The following TAFA1 variants were observed in gnomAD, a reference collection of about 807,000 sequenced individuals.
TAFA1 encodes TAFA chemokine like family member 1.
In TAFA1, 4 loss-of-function variants were observed where a neutral mutation model predicts 18.5. The observed-to-expected ratio is 0.22, with a 90% CI of 0.11 to 0.49. The LOEUF is 0.49. Among genes scored for constraint, TAFA1 ranks in the 20% least tolerant of loss-of-function variants. The pLI, the probability that TAFA1 is intolerant of heterozygous loss-of-function variation, is 0.98. For missense variants in TAFA1, 147 were observed against 169.0 expected, an observed-to-expected ratio of 0.87 and a Z score of 0.72; for synonymous variants, 56 against 55.2, an observed-to-expected ratio of 1.01 and a Z score of -0.06.
intron 2 of TAFA1, among the ~76,000 whole-genome samples, chr3:68,329,342 A>G (rs1259122060): frequency 6.6e-6 from 1 of 151,150 alleles, no homozygotes; most frequent in African/African-American, 2.4e-5. Context: ...CTGGGATTAC[A>G]GATGTGAGCC....
At position 68,544,696 on chromosome 3, in the gene TAFA1, C is replaced by T. The variant is rs1330131796; in HGVS notation, c.*193C>T. On this transcript the variant is annotated 3_prime_UTR_variant, in exon 5 of 5. Transcript: ENST00000478136. ...AGAAGACACAGCGTTTTGGCAACAC[C>T]ATGGAAAGTGGGCTTAAAAAAGGGT... is the stretch of plus-strand genomic sequence containing the variant. The T allele has an allele frequency of 5.5e-6, 3 of 546,186 alleles. No homozygotes were observed. Among genetic ancestry groups the T allele is most frequent in the African/African-American group, 3.9e-5 (2 of 51,534 alleles). 33.8% of individuals were successfully genotyped at this position (546,186 alleles called of 1,614,324 possible).
intron 2 of TAFA1, among the ~76,000 whole-genome samples, chr3:68,136,313 G>T (rs1432215384): frequency 6.6e-6 from 1 of 152,128 alleles, no homozygotes; most frequent in African/African-American, 2.4e-5. Flanking sequence ...TTGTCATTAG[G>T]GTTCGGTTAA....
chr3:68,246,840 A>C (rs2067090791), intron 2 of TAFA1: 1 of 152,108 alleles, frequency 6.6e-6, no homozygotes, highest in Non-Finnish European at 1.5e-5. Context: ...AAAATGGGCA[A>C]AGCCTCATTT....
chr3:68,232,677 C>CA (rs1307742853), intron 2 of TAFA1, among the ~76,000 whole-genome samples: 3 of 151,994 alleles, frequency 2.0e-5, no homozygotes, highest in Admixed American at 6.6e-5. Flanking sequence ...ACAACCATAA[C>CA]TCACTGTAGT....
intron 2 of TAFA1, among the ~76,000 whole-genome samples, chr3:68,385,485 C>T (rs550150226): frequency 3.7e-4 from 57 of 152,140 alleles, no homozygotes; most frequent in Non-Finnish European, 4.4e-4. Flanking sequence ...GATTTTGAGA[C>T]GGCACTTAAA....
At chr3:68,145,707 T>C in intron 2 of TAFA1, 1 of 765,214 alleles carries the variant, frequency 1.3e-6, no homozygotes, top group Non-Finnish European at 2.3e-6. Flanking sequence ...AAGTTTGTAT[T>C]TTCAATTTAT....
chr3:68,418,431 C>G (rs1017392171), intron 3 of TAFA1, among the ~76,000 whole-genome samples: 1 of 52,976 alleles, frequency 1.9e-5, no homozygotes, highest in Non-Finnish European at 4.8e-5. Flanking sequence ...AAGGGAAGGA[C>G]CGGCCATTTT....
At chr3:68,445,074 T>C (rs1257525435) in intron 3 of TAFA1, among the ~76,000 whole-genome samples, 1 of 152,098 alleles carries the variant, frequency 6.6e-6, no homozygotes, top group Non-Finnish European at 1.5e-5. Context: ...TCAGTTTTTG[T>C]TATAACCCAA....
intron 2 of TAFA1, among the ~76,000 whole-genome samples, chr3:68,372,966 C>T (rs1192376956): frequency 6.6e-6 from 1 of 152,134 alleles, no homozygotes; most frequent in Non-Finnish European, 1.5e-5. Flanking sequence ...CAGACAGGAA[C>T]ATGTAGGGTG....
At chr3:68,469,611 T>G (rs1002064578) in intron 3 of TAFA1, among the ~76,000 whole-genome samples, 1 of 152,042 alleles carries the variant, frequency 6.6e-6, no homozygotes, top group Non-Finnish European at 1.5e-5. Flanking sequence ...AGGTGGAGCT[T>G]GCAGTGAGCC....
At chr3:68,160,936 G>GTGTAGA (rs1201169317) in intron 2 of TAFA1, among the ~76,000 whole-genome samples, 1 of 152,150 alleles carries the variant, frequency 6.6e-6, no homozygotes, top group Admixed American at 6.5e-5. Flanking sequence ...TGATCACAGC[G>GTGTAGA]TGTAGATTTC....
intron 3 of TAFA1, among the ~76,000 whole-genome samples, chr3:68,494,007 C>A (rs757235345): frequency 6.6e-6 from 1 of 152,188 alleles, no homozygotes; most frequent in Non-Finnish European, 1.5e-5. Flanking sequence ...TGGTCTTAAT[C>A]TTTCTAAGTT....
chr3:68,292,451 A>G (rs905668340), intron 2 of TAFA1, among the ~76,000 whole-genome samples: 6 of 151,952 alleles, frequency 3.9e-5, no homozygotes. Flanking sequence ...AACAAAAACA[A>G]AAACACTTTT....
chr3:68,373,301 G>T lies in TAFA1; in HGVS notation c.119-43979G>T, dbSNP rs1443679810. 2.0e-5 allele frequency among the ~76,000 whole-genome samples: 3 copies of T among 152,246 alleles called. No homozygotes were observed. The East Asian group carries it at 5.8e-4, about 29-fold the overall frequency. On this transcript the variant is annotated intron_variant, in intron 2 of 4. Coordinates refer to ENST00000478136, the MANE Select transcript of TAFA1 (RefSeq NM_213609.4). ...ATTTTTTAATTCTATAAGGGAAGAA[G>T]AACATATATTTTTATTCTACAGAGG...
chr3:68,241,419 TATA>T (rs1302113196), intron 2 of TAFA1, among the ~76,000 whole-genome samples: 7 of 152,162 alleles, frequency 4.6e-5, no homozygotes. Flanking sequence ...AGACTCAACA[TATA>T]ATGGAAGAAA....
At chr3:68,294,897 T>G (rs1391917172) in intron 2 of TAFA1, among the ~76,000 whole-genome samples, 1 of 152,078 alleles carries the variant, frequency 6.6e-6, no homozygotes, top group Non-Finnish European at 1.5e-5. Flanking sequence ...AGAAAAAATT[T>G]ACTTCTTGAA....
At chr3:68,289,678 T>C (rs2068075354) in intron 2 of TAFA1, among the ~76,000 whole-genome samples, 1 of 152,236 alleles carries the variant, frequency 6.6e-6, no homozygotes, top group Non-Finnish European at 1.5e-5. Context: ...AGTAGTTGGA[T>C]GTGATCTGTG....
chr3:68,008,487 T>C lies in TAFA1; in HGVS notation c.118+1743T>C, dbSNP rs538248378. Among the ~76,000 whole-genome samples the C allele has an allele frequency of 1.4e-4, 21 of 152,306 alleles. No individual in the cohort carries two copies. In the South Asian group the frequency reaches 4.1e-3, roughly 30 times the overall value. Reference sequence around the variant, plus strand: ...TTCACACTGTTCAGTTTAATCCTTATGCAAGTGGGTGTAATTTCTCCCCTT... The same window carrying C: ...TTCACACTGTTCAGTTTAATCCTTACGCAAGTGGGTGTAATTTCTCCCCTT... On this transcript the variant is annotated intron_variant, in intron 2 of 4. Coordinates refer to ENST00000478136, the MANE Select transcript of TAFA1 (RefSeq NM_213609.4).
At chr3:68,275,439 T>G (rs1233451986) in intron 2 of TAFA1, among the ~76,000 whole-genome samples, 3 of 151,036 alleles carry the variant, frequency 2.0e-5, no homozygotes, top group African/African-American at 7.3e-5. Context: ...GAAAGGGGGC[T>G]TCAAGCAAGA....
Sources: gnomAD v4.1 joint callset for allele counts (sites outside exome capture counted in the v4.1 genomes callset) on GRCh38, gnomAD v4.1.1 for gene constraint, MANE v1.5 for transcripts, NCBI Gene and HGNC (gene_info 2026-07-23, HGNC 2026-07-21) for gene names.